Variants in AACS observed in about 807,000 individuals in gnomAD.
AACS encodes acetoacetate-CoA ligase.
In AACS, 69 loss-of-function variants were observed where a neutral mutation model predicts 83.1. That is an observed-to-expected ratio of 0.83 (90% confidence interval 0.68 to 1.01). The LOEUF (loss-of-function observed/expected upper bound fraction) is 1.01, where lower values mean the gene tolerates loss of function less well. Among genes scored for constraint, AACS ranks in the 50% least tolerant of loss-of-function variants. AACS has a pLI of 0.00. For missense variants in AACS, 866 were observed against 882.2 expected (o/e 0.98, Z 0.23); for synonymous variants, 333 against 343.4 (o/e 0.97, Z 0.33).
At chr12:125,120,164 C>A (rs566209975) in intron 10 of AACS, 13 of 152,322 alleles carry the variant, frequency 8.5e-5, no homozygotes, top group East Asian at 1.9e-4. Flanking sequence ...CCAACTCCTT[C>A]TCATCATCAT....
chr12:125,095,175 C>T (rs1257040021), intron 5 of AACS, among the ~76,000 whole-genome samples: 1 of 152,198 alleles, frequency 6.6e-6, no homozygotes, highest in Non-Finnish European at 1.5e-5. Flanking sequence ...TTTGTTGCAA[C>T]ATGAAAGCTG....
In AACS at chr12:125,107,252, T is replaced by C. The variant is rs188567343; in HGVS notation, c.899T>C (p.Met300Thr). Residue 300 changes from methionine (M) to threonine (T), a missense_variant, in exon 8 of 18, where the codon ATG (methionine) becomes ACG (threonine). Met to Thr is a moderately conservative substitution (Grantham distance 81). Transcript: ENST00000316519. ...GGCACCACGGGCGCACCCAAGTGCA[T>C]GGTGCATTCCGCTGGGGTAGGTCTC... Reference protein sequence around the residue: ...SSGTTGAPKCMVHSAGGTLIQ... With the variant: ...SSGTTGAPKCTVHSAGGTLIQ... 1 of 1,613,902 alleles carries C rather than the reference T, an allele frequency of 6.2e-7. No homozygotes were observed. The highest frequency in any genetic ancestry group is 8.5e-7 in the Non-Finnish European group (1 of 1,180,032).
chr12:125,093,043 A>G (rs1956523756), intron 5 of AACS, among the ~76,000 whole-genome samples: 1 of 152,212 alleles, frequency 6.6e-6, no homozygotes, highest in African/African-American at 2.4e-5. Flanking sequence ...TGTTAGTGCA[A>G]CTGCACAGAT....
chr12:125,096,565 G>A (rs1028514554), intron 5 of AACS, among the ~76,000 whole-genome samples: 5 of 152,178 alleles, frequency 3.3e-5, no homozygotes, highest in Non-Finnish European at 5.9e-5. Flanking sequence ...GCTGGAGGGA[G>A]CCAGGTGCAG....
At chr12:125,088,420 A>G (rs1302733054) in intron 4 of AACS, among the ~76,000 whole-genome samples, 1 of 151,772 alleles carries the variant, frequency 6.6e-6, no homozygotes, top group Non-Finnish European at 1.5e-5. Flanking sequence ...TTTGGTAAAG[A>G]CAGGGTCTTG....
rs1956207736 is a variant in AACS, at chr12:125,082,204, ATT to A, written c.359-4124_359-4123del. Among the ~76,000 whole-genome samples, 3 of 134,606 alleles carry A rather than the reference ATT, an allele frequency of 2.2e-5. No individual in the cohort carries two copies. In the South Asian group the frequency reaches 7.0e-4, roughly 32 times the overall value. The allele number at this position is 134,606 out of a possible 152,430, so 88.3% of individuals were successfully genotyped here. On this transcript the variant is annotated intron_variant, in intron 3 of 17. Coordinates refer to ENST00000316519, the MANE Select transcript of AACS (RefSeq NM_023928.5). ...TTTTTTTTTTGGAGACAGGGTCTTGATTTGTTGCCCAGATTGGAGTGCAGTGG... is the reference window on the plus strand; with the variant it reads ...TTTTTTTTTTGGAGACAGGGTCTTGATGTTGCCCAGATTGGAGTGCAGTGG...
intron 5 of AACS, among the ~76,000 whole-genome samples, chr12:125,100,655 C>T (rs1197012736): frequency 6.6e-6 from 1 of 152,188 alleles, no homozygotes. Context: ...TTTATCACAC[C>T]TCAGGATCAT....
At chr12:125,089,359 G>T (rs1016526553) in intron 4 of AACS, among the ~76,000 whole-genome samples, 11 of 152,138 alleles carry the variant, frequency 7.2e-5, no homozygotes, top group Non-Finnish European at 1.5e-4. Flanking sequence ...GCTGACTAGG[G>T]ACCCCTGGGG....
At chr12:125,107,081 G>A (rs1956849660) in intron 7 of AACS, 40 bp from the exon 8 acceptor site, 3 of 1,613,186 alleles carry the variant, frequency 1.9e-6, no homozygotes, top group African/African-American at 1.3e-5. Context: ...CCAGCATTCT[G>A]GGACGTTCAT....
chr12:125,082,198 G>T (rs1257589047), intron 3 of AACS, among the ~76,000 whole-genome samples: 4 of 144,552 alleles, frequency 2.8e-5, no homozygotes, highest in African/African-American at 1.0e-4. Context: ...TGGAGACAGG[G>T]TCTTGATTTG....
chr12:125,124,989 G>A lies in AACS; in HGVS notation c.1274G>A (p.Cys425Tyr), dbSNP rs368304323. The A allele has an allele frequency of 1.9e-6, 3 of 1,614,178 alleles. No individual in the cohort carries two copies. Among genetic ancestry groups the A allele is most frequent in the South Asian group, 1.1e-5 (1 of 91,080 alleles). The stretch of plus-strand genomic sequence containing the variant: ...CAGAGCTACGAGTATGTCTACAGGT[G>A]CATCAAGAGCAGCATCCTCCTGGGC... ...KAQSYEYVYR[C>Y]IKSSILLGSI... Residue 425 changes from cysteine (C) to tyrosine (Y), a missense_variant, in exon 12 of 18, where the codon TGC becomes TAC. Physicochemically the swap from Cys to Tyr is radical, Grantham distance 194. Transcript: ENST00000316519.
Position 125,065,444 on chromosome 12 carries a change from T to C in AACS, c.-141T>C. On this transcript the variant is annotated 5_prime_UTR_variant, in exon 1 of 18. Coordinates refer to ENST00000316519, the MANE Select transcript of AACS (RefSeq NM_023928.5). ...GCGGCGGCGGCCGTTCAGTCCCTTGTTCCCCGCCGCCGCCGTCGCTGACCC... is the reference window on the plus strand; with the variant it reads ...GCGGCGGCGGCCGTTCAGTCCCTTGCTCCCCGCCGCCGCCGTCGCTGACCC... 2.1e-6 allele frequency: 2 copies of C among 931,608 alleles called. No homozygotes were observed. The highest frequency in any genetic ancestry group is 2.9e-6 in the Non-Finnish European group (2 of 683,470). 57.7% of individuals were successfully genotyped at this position (931,608 alleles called of 1,614,324 possible).
chr12:125,090,196 C>CCTCCCCCCAT (rs1555223192), intron 4 of AACS, among the ~76,000 whole-genome samples: 2 of 54,608 alleles, frequency 3.7e-5, no homozygotes, highest in Admixed American at 2.2e-4. Context: ...CTCCATCTAC[C>CCTCCCCCCAT]CATTTACCCA....
intron 14 of AACS, 87 bp from the exon 15 acceptor site, chr12:125,133,916 C>A: frequency 7.3e-7 from 1 of 1,375,368 alleles, no homozygotes; most frequent in Non-Finnish European, 1.0e-6. Context: ...CCAGTGATGT[C>A]TGCGGACCTA....
intron 3 of AACS, among the ~76,000 whole-genome samples, chr12:125,077,426 T>C (rs1023074183): frequency 6.7e-6 from 1 of 149,338 alleles, no homozygotes; most frequent in Non-Finnish European, 1.5e-5. Flanking sequence ...AGGAGAATGG[T>C]GTGAACCCAG....
chr12:125,076,720 A>T (rs188762368), intron 3 of AACS, 109 bp downstream of exon 3: 2 of 1,491,140 alleles, frequency 1.3e-6, no homozygotes, highest in Non-Finnish European at 1.8e-6. Flanking sequence ...ATATGTTGGC[A>T]CCTTTCTGAT....
At chr12:125,112,845 A>T (rs7954882) in intron 8 of AACS, among the ~76,000 whole-genome samples, 3,189 of 152,260 alleles carry the variant, frequency 0.021, 108 homozygotes, top group African/African-American at 0.072. Context: ...AATGAGAACC[A>T]AATGAAATGG....
Position 125,129,837 on chromosome 12 carries a change from G to A in AACS, c.1549+377G>A, listed in dbSNP as rs941268218. ...ACGAGGAGTGGCATGTGGAAGTGGC[G>A]TCTGGCTCGGGTCTCTTCCTTCGTG... On this transcript the variant is annotated intron_variant, in intron 14 of 17. Transcript: ENST00000316519. The surrounding 1 kb of genome is among the most constrained non-coding windows in gnomAD (Gnocchi z 4.3). Among the ~76,000 whole-genome samples the A allele has an allele frequency of 3.9e-5, 6 of 152,248 alleles. No homozygotes were observed. The highest frequency in any genetic ancestry group is 8.8e-5 in the Non-Finnish European group (6 of 68,026).
intron 3 of AACS, among the ~76,000 whole-genome samples, chr12:125,085,488 A>G (rs529326063): frequency 1.0e-4 from 15 of 148,558 alleles, no homozygotes; most frequent in Non-Finnish European, 1.8e-4. Flanking sequence ...AACCACACAC[A>G]TGCACGTTGC....
Sources: gnomAD v4.1 joint callset for allele counts (sites outside exome capture counted in the v4.1 genomes callset) on GRCh38, gnomAD v4.1.1 for gene constraint, Gnocchi (gnomAD v3.1) non-coding constraint, MANE v1.5 for transcripts, NCBI Gene and HGNC (gene_info 2026-07-23, HGNC 2026-07-21) for gene names.